RUVBL2: variants seen among roughly 807,000 people sequenced by gnomAD.
RUVBL2 encodes the protein RuvB like AAA ATPase 2, also known as ruvB-like 2.
Under a neutral mutation model 57.9 loss-of-function variants are expected in RUVBL2, and 9 were observed. The ratio of observed to expected loss-of-function variants is 0.16; its 90% CI spans 0.09 to 0.27. The LOEUF is 0.27. Ranked by LOEUF, RUVBL2 falls within the 10% of genes least tolerant of loss-of-function variation. RUVBL2 has a pLI of 1.00. For missense variants in RUVBL2, 456 were observed against 669.6 expected, an observed-to-expected ratio of 0.68 and a Z score of 3.52; for synonymous variants, 278 against 264.6, an observed-to-expected ratio of 1.05 and a Z score of -0.49.
chr19:49,011,313 G>A lies in RUVBL2; in HGVS notation c.1001+3G>A, dbSNP rs764774783. 5 of 1,611,868 alleles carry A rather than the reference G, an allele frequency of 3.1e-6. No individual in the cohort carries two copies. Among genetic ancestry groups the A allele is most frequent in the Admixed American group, 3.3e-5 (2 of 60,002 alleles). On this transcript the variant is annotated splice_donor_region_variant and intron_variant, in intron 11 of 14. Transcript: ENST00000595090. The surrounding 1 kb of genome is among the most constrained non-coding windows in gnomAD (Gnocchi z 4.4). ...GCCACCAACCGTGGCATCACGCGGT[G>A]AGCCGGCTACAGGGGCCTCTGGGGA...
chr19:49,003,640 C>T lies in RUVBL2; in HGVS notation c.123+306C>T, dbSNP rs532264040. 7.9e-5 allele frequency among the ~76,000 whole-genome samples: 12 copies of T among 151,944 alleles called. No individual in the cohort carries two copies. In the South Asian group the frequency reaches 8.3e-4, roughly 11 times the overall value. Reference sequence around the variant, plus strand: ...CTCTACTAAAAATACAAAAATTAGCCGGGCATGGTGGTGCATGCCTGTAAT... The same window carrying T: ...CTCTACTAAAAATACAAAAATTAGCTGGGCATGGTGGTGCATGCCTGTAAT... On this transcript the variant is annotated intron_variant, in intron 3 of 14. Coordinates refer to ENST00000595090, the MANE Select transcript of RUVBL2 (RefSeq NM_006666.3).
chr19:49,010,959 T>C, intron 9 of RUVBL2, 40 bp from the exon 10 acceptor site: 1 of 1,566,330 alleles, frequency 6.4e-7, no homozygotes, highest in South Asian at 1.2e-5. Flanking sequence ...GGAACCCGCC[T>C]CCTCTCTGGC....
chr19:49,014,553 C>T lies in RUVBL2; in HGVS notation c.1071C>T (p.Val357=). The part of the protein sequence containing the change: ...PIDLLDRLLI[V]STTPYSEKDT... ...ACCTGCTGGACCGGCTGCTTATCGT[C>T]TCCACCACCCCCTACAGCGAGAAAG... The change falls in exon 12 of 15, where the codon GTC becomes GTT. Residue 357 remains valine (V), a synonymous_variant. Coordinates refer to ENST00000595090, the MANE Select transcript of RUVBL2 (RefSeq NM_006666.3). The T allele has an allele frequency of 1.2e-6, 2 of 1,614,144 alleles. No homozygotes were observed. Among genetic ancestry groups the T allele is most frequent in the Non-Finnish European group, 8.5e-7 (1 of 1,180,026 alleles).
intron 2 of RUVBL2, 29 bp downstream of exon 2, chr19:48,999,402 T>G (rs896412095): frequency 6.2e-7 from 1 of 1,612,456 alleles, no homozygotes; most frequent in Non-Finnish European, 8.5e-7. Flanking sequence ...GAATAGGACC[T>G]AAGCCCTGCC....
Position 49,011,149 on chromosome 19 carries a change from G to T in RUVBL2, c.883-43G>T, listed in dbSNP as rs557907986. The T allele has an allele frequency of 4.3e-5, 69 of 1,610,156 alleles. No individual in the cohort carries two copies. The South Asian group carries it at 5.3e-4, about 12-fold the overall frequency. ...GGTGGGGTGGAGGTGGGCCGGGGAA[G>T]TGGGGACGCGGGTGGTGACTCTCAC... On this transcript the variant is annotated intron_variant, in intron 10 of 14. Transcript: ENST00000595090. The surrounding 1 kb of genome is among the most constrained non-coding windows in gnomAD (Gnocchi z 4.4).
Position 48,993,905 on chromosome 19 carries a change from G to C in RUVBL2, c.-7G>C, listed in dbSNP as rs1239814831. On this transcript the variant is annotated 5_prime_UTR_variant, in exon 1 of 15. Coordinates refer to ENST00000595090, the MANE Select transcript of RUVBL2 (RefSeq NM_006666.3). ...TTCCGCTAGGACTCTGGCAGTTGGT[G>C]AGCATCATGGCAACCGTTGTAAGTG... 1 of 1,614,108 alleles carries C rather than the reference G, an allele frequency of 6.2e-7. No homozygotes were observed. Among genetic ancestry groups the C allele is most frequent in the African/African-American group, 1.3e-5 (1 of 75,036 alleles).
At chr19:48,995,721 C>T (rs1031442965) in intron 1 of RUVBL2, among the ~76,000 whole-genome samples, 1 of 151,858 alleles carries the variant, frequency 6.6e-6, no homozygotes, top group Admixed American at 6.6e-5. Context: ...TGCGGTGGCT[C>T]ACACCTGTAA....
chr19:49,001,864 C>A (rs187088825), intron 2 of RUVBL2, among the ~76,000 whole-genome samples: 1 of 152,220 alleles, frequency 6.6e-6, no homozygotes, highest in Non-Finnish European at 1.5e-5. Context: ...CCTGCCTCGG[C>A]CTCCCAAAAT....
chr19:49,009,562 C>T (rs532133347), intron 6 of RUVBL2, among the ~76,000 whole-genome samples: 1 of 152,260 alleles, frequency 6.6e-6, no homozygotes, highest in South Asian at 2.1e-4. Context: ...CAGTATGGTC[C>T]GTTGGGACAT....
In RUVBL2 at chr19:49,007,137, G is replaced by C; in HGVS notation, c.385G>C (p.Val129Leu). The C allele has an allele frequency of 6.2e-7, 1 of 1,613,338 alleles. No individual in the cohort carries two copies. The highest frequency in any genetic ancestry group is 8.5e-7 in the Non-Finnish European group (1 of 1,180,018). ...GCAGGCCTTCCGGCGGTCCATCGGC[G>C]TTCGCATCAAGTAAGCGGGGGACCC... ...LTQAFRRSIGVRIKEETEIIE... is the reference protein window; with the variant it reads ...LTQAFRRSIGLRIKEETEIIE... Residue 129 changes from valine to leucine, a missense_variant, in exon 5 of 15, where the codon GTT becomes CTT. Physicochemically the swap from Val to Leu is conservative, Grantham distance 32. Around this residue, in one of 5 missense-constraint regions of RUVBL2, gnomAD observed 233 missense variants for 306.0 expected, o/e 0.76. Transcript: ENST00000595090.
intron 4 of RUVBL2, 96 bp downstream of exon 4, chr19:49,004,514 C>A: frequency 8.1e-7 from 1 of 1,237,212 alleles, no homozygotes; most frequent in Non-Finnish European, 1.1e-6. Flanking sequence ...TAACAGATGA[C>A]CCAAAATGGC....
At chr19:49,004,469 C>CGGAG in intron 4 of RUVBL2, 51 bp downstream of exon 4, 1 of 1,555,142 alleles carries the variant, frequency 6.4e-7, no homozygotes, top group Admixed American at 1.7e-5. Flanking sequence ...TAAATAACTC[C>CGGAG]TCCTGTGTAA....
chr19:49,007,369 G>GTGAGTC lies in RUVBL2; in HGVS notation c.462+4_462+9dup, dbSNP rs768358656. 4 of 1,613,310 alleles carry GTGAGTC rather than the reference G, an allele frequency of 2.5e-6. No individual in the cohort carries two copies. In the South Asian group the frequency reaches 4.4e-5, roughly 18 times the overall value. On this transcript the variant is annotated splice_donor_variant, in intron 6 of 14. Transcript: ENST00000595090. LOFTEE classifies it high-confidence loss of function. ...GATTGATCGACCAGCAACAGGGACG[G>GTGAGTC]TGAGTCTGTGTGAGTCTGTACCCTG...
In RUVBL2 at chr19:49,011,250, G is replaced by C. The variant is rs746352672; in HGVS notation, c.941G>C (p.Arg314Pro). 1.2e-6 allele frequency: 2 copies of C among 1,613,886 alleles called. No homozygotes were observed. Among genetic ancestry groups the C allele is most frequent in the Admixed American group, 1.7e-5 (1 of 60,016 alleles). The change falls in exon 11 of 15, where the codon CGG becomes CCG. Residue 314 changes from arginine to proline, a missense_variant. By Grantham distance (103) the Arg-to-Pro change is moderately radical. Around this residue, in one of 5 missense-constraint regions of RUVBL2, gnomAD observed 130 missense variants for 243.0 expected, o/e 0.53. Transcript: ENST00000595090. This position sits in a 1 kb window ranked among gnomAD's most constrained non-coding sequence, Gnocchi z 4.4. ...LDIESFSFLN[R>P]ALESDMAPVL... ...ATCGAGAGCTTCTCCTTCCTCAACC[G>C]GGCCCTGGAGAGTGACATGGCGCCT... is the stretch of plus-strand genomic sequence containing the variant.
At chr19:49,000,118 G>A (rs2039149250) in intron 2 of RUVBL2, among the ~76,000 whole-genome samples, 1 of 152,234 alleles carries the variant, frequency 6.6e-6, no homozygotes, top group South Asian at 2.1e-4. Flanking sequence ...CATGTGGCCA[G>A]GGACTAGTTC....
chr19:48,997,996 C>T (rs114462649), intron 1 of RUVBL2, among the ~76,000 whole-genome samples: 149 of 152,288 alleles, frequency 9.8e-4, no homozygotes, highest in African/African-American at 1.8e-3. Flanking sequence ...CATTGAGTCC[C>T]GAGGTGAACA....
intron 1 of RUVBL2, 101 bp downstream of exon 1, chr19:48,994,024 ATCTGGGGGT>A: frequency 8.6e-7 from 1 of 1,157,620 alleles, no homozygotes; most frequent in Non-Finnish European, 1.2e-6. Context: ...GGGAGGGGGG[ATCTGGGGGT>A]TCAGACTCCT....
intron 4 of RUVBL2, among the ~76,000 whole-genome samples, chr19:49,005,592 C>T (rs1230997331): frequency 6.6e-6 from 1 of 152,052 alleles, no homozygotes; most frequent in Non-Finnish European, 1.5e-5. Flanking sequence ...ATGTGGCACA[C>T]ACAGTAACTT....
At position 49,010,482 on chromosome 19, in the gene RUVBL2, C is replaced by CCCACACCCA; in HGVS notation, c.664-5_664-4insCACACCCAC. ...CCGCCGTTCTTCCCCCACCCCCGCC[C>CCCACACCCA]CATAGACCAAGTTCGTGCAGTGCCC... On this transcript the variant is annotated splice_polypyrimidine_tract_variant and splice_region_variant and intron_variant, in intron 8 of 14. Transcript: ENST00000595090. 1 of 1,605,454 alleles carries CCCACACCCA rather than the reference C, an allele frequency of 6.2e-7. No homozygotes were observed. The highest frequency in any genetic ancestry group is 8.5e-7 in the Non-Finnish European group (1 of 1,173,088).
Sources: allele counts gnomAD v4.1 joint callset (sites outside exome capture counted in the v4.1 genomes callset), GRCh38; gene constraint gnomAD v4.1.1; regional missense constraint gnomAD v4.1.1; non-coding constraint Gnocchi (gnomAD v3.1); transcripts MANE v1.5; gene names NCBI Gene and HGNC (gene_info 2026-07-23, HGNC 2026-07-21).